Variants in GNS observed in about 807,000 individuals in gnomAD.
GNS encodes the protein N-acetylglucosamine-6-sulfatase.
GNS carries 40 observed loss-of-function variants against 69.7 expected under a neutral mutation model. The observed-to-expected ratio is 0.57, with a 90% confidence interval of 0.45 to 0.75. The LOEUF is 0.75. Ranked by LOEUF, GNS falls within the 30% of genes least tolerant of loss-of-function variation. GNS has a pLI of 0.00. For missense variants in GNS, 565 were observed against 685.5 expected (o/e 0.82, Z 1.96); for synonymous variants, 243 against 251.6 (o/e 0.97, Z 0.32).
chr12:64,748,065 T>C (rs970738612), intron 2 of GNS, 147 bp from the exon 3 acceptor site: 3 of 667,516 alleles, frequency 4.5e-6, no homozygotes, highest in African/African-American at 1.8e-5. Context: ...TTTCTACACA[T>C]GACATGCTTC....
chr12:64,756,888 C>G (rs1441123864), intron 1 of GNS: 1 of 591,386 alleles, frequency 1.7e-6, no homozygotes, highest in Admixed American at 2.9e-5. Context: ...GAGACAGTGG[C>G]TCATGCCTGT....
intron 13 of GNS, among the ~76,000 whole-genome samples, chr12:64,717,756 TGC>T (rs1472937780): frequency 2.0e-5 from 3 of 152,144 alleles, no homozygotes; most frequent in Non-Finnish European, 4.4e-5. Flanking sequence ...AGGGCCACAG[TGC>T]ATGACAAAAG....
chr12:64,745,204 CTTTTTT>C (rs141453545), intron 4 of GNS, among the ~76,000 whole-genome samples: 4 of 42,352 alleles, frequency 9.4e-5, no homozygotes, highest in African/African-American at 2.0e-4. Flanking sequence ...AGTCAATAGA[CTTTTTT>C]TTTTTTTTTT....
intron 6 of GNS, among the ~76,000 whole-genome samples, chr12:64,742,374 A>C (rs932254922): frequency 1.3e-5 from 2 of 152,222 alleles, no homozygotes; most frequent in African/African-American, 4.8e-5. Flanking sequence ...TTTAACAAGC[A>C]CATGCCTATA....
chr12:64,746,043 C>A, intron 3 of GNS: 1 of 410,886 alleles, frequency 2.4e-6, no homozygotes. Context: ...ACATAAAATT[C>A]AAATTTTAAC....
At chr12:64,739,607 T>C in intron 7 of GNS, 108 bp from the exon 8 acceptor site, 8 of 662,624 alleles carry the variant, frequency 1.2e-5, no homozygotes, top group South Asian at 9.7e-5. Flanking sequence ...ACACCCCCGT[T>C]TAAAAAAAAA....
rs1460701118 is a variant in GNS, at chr12:64,759,316, C to T, written c.-40G>A. On this transcript the variant is annotated 5_prime_UTR_variant, in exon 1 of 14. Coordinates refer to ENST00000258145, the MANE Select transcript of GNS (RefSeq NM_002076.4). ...GGGGTGACCCCGGGACGGGACGGGA[C>T]GGAGGGACGCACAGGTAGCTGAAGG... is the stretch of plus-strand genomic sequence containing the variant. 7.4e-7 allele frequency: 1 copy of T among 1,358,036 alleles called. No individual in the cohort carries two copies. Among genetic ancestry groups the T allele is most frequent in the Non-Finnish European group, 9.8e-7 (1 of 1,019,834 alleles). The allele number at this position is 1,358,036 out of a possible 1,614,324, so 84.1% of individuals were successfully genotyped here.
chr12:64,758,993 G>C, intron 1 of GNS, 92 bp downstream of exon 1: 10 of 1,075,848 alleles, frequency 9.3e-6, no homozygotes, highest in Non-Finnish European at 1.4e-5. Context: ...CAGCCAGTTC[G>C]GGGAGGAGGG....
rs574495720 is a variant in GNS at position 64,729,218 on chromosome 12, TATA to T, written c.1099-164_1099-162del. 100 of 643,158 alleles carry T rather than the reference TATA, an allele frequency of 1.6e-4. No individual in the cohort carries two copies. The East Asian group carries it at 2.7e-3, about 17-fold the overall frequency. 39.8% of individuals were successfully genotyped at this position (643,158 alleles called of 1,614,324 possible). A position where few individuals can be genotyped will look rare whatever the true frequency, so the allele number is the denominator to read the frequency against. On this transcript the variant is annotated intron_variant, in intron 9 of 13. Transcript: ENST00000258145. Reference sequence around the variant, plus strand: ...TCTGTTTCATAGATCCAAATATAACTATAATAACTTCAAACAAAATATAAAGGC... The same window carrying T: ...TCTGTTTCATAGATCCAAATATAACTATAACTTCAAACAAAATATAAAGGC...
At chr12:64,727,868 T>C (rs955371565) in intron 10 of GNS, among the ~76,000 whole-genome samples, 2 of 152,200 alleles carry the variant, frequency 1.3e-5, no homozygotes, top group Non-Finnish European at 2.9e-5. Context: ...ATTATGATGA[T>C]GGTTGTACCA....
At chr12:64,743,397 G>T in intron 5 of GNS, 89 bp from the exon 6 acceptor site, 1 of 907,318 alleles carries the variant, frequency 1.1e-6, no homozygotes, top group Non-Finnish European at 1.8e-6. Flanking sequence ...AGACAGTACA[G>T]GGTCTTACTA....
chr12:64,746,635 T>C (rs895285579), intron 3 of GNS, among the ~76,000 whole-genome samples: 9 of 152,246 alleles, frequency 5.9e-5, no homozygotes, highest in African/African-American at 2.2e-4. Context: ...CACTTTATCC[T>C]TACAAGGTTT....
At position 64,743,356 on chromosome 12, in the gene GNS, G is replaced by A. The variant is rs7136091; in HGVS notation, c.625-48C>T. 7.4e-3 allele frequency: 9,687 copies of A among 1,304,542 alleles called. 440 individuals carry two copies. The African/African-American group carries it at 0.11, about 15-fold the overall frequency. The allele number at this position is 1,304,542 out of a possible 1,614,324, so 80.8% of individuals were successfully genotyped here. A position where few individuals can be genotyped will look rare whatever the true frequency, so the allele number is the denominator to read the frequency against. On this transcript the variant is annotated intron_variant, in intron 5 of 13. Transcript: ENST00000258145. ...ATCTCCTACCTTACCCAACAGATGA[G>A]TATTTAATAGATAAATGTCTTCTGG...
Position 64,731,413 on chromosome 12 carries a change from A to T in GNS, c.1099-2356T>A, listed in dbSNP as rs571911394. 5.8e-4 allele frequency among the ~76,000 whole-genome samples: 89 copies of T among 152,290 alleles called. 1 individual carries two copies. The highest frequency in any genetic ancestry group is 2.0e-3 in the African/African-American group (83 of 41,562). ...TAATGGCATTTTGCTCTCTGGAGAT[A>T]AAGGGGTAAGTTCCAGTATAAATCC... On this transcript the variant is annotated intron_variant, in intron 9 of 13. Transcript: ENST00000258145.
intron 10 of GNS, among the ~76,000 whole-genome samples, chr12:64,725,821 C>G (rs913627663): frequency 1.3e-5 from 2 of 151,364 alleles, no homozygotes; most frequent in African/African-American, 4.9e-5. Context: ...ACGGTGAAAC[C>G]CTGACTCTAC....
intron 5 of GNS, 122 bp from the exon 6 acceptor site, chr12:64,743,430 T>C (rs1387041300): frequency 2.7e-6 from 2 of 731,098 alleles, no homozygotes; most frequent in Admixed American, 2.1e-5. Flanking sequence ...TCTTAGCACA[T>C]GATCTTATGT....
chr12:64,720,382 G>T (rs1411835066), intron 12 of GNS, among the ~76,000 whole-genome samples, 200 bp from the exon 13 acceptor site: 1 of 152,120 alleles, frequency 6.6e-6, no homozygotes, highest in Non-Finnish European at 1.5e-5. Flanking sequence ...CATCTGTTCT[G>T]GGGGTTCAGT....
chr12:64,724,417 G>A (rs1338159788), intron 10 of GNS, among the ~76,000 whole-genome samples: 3 of 152,206 alleles, frequency 2.0e-5, no homozygotes, highest in African/African-American at 7.2e-5. Flanking sequence ...AATGGGTAAC[G>A]GCTTGTGCAA....
At chr12:64,739,756 C>T (rs1869673544) in intron 7 of GNS, among the ~76,000 whole-genome samples, 2 of 152,020 alleles carry the variant, frequency 1.3e-5, no homozygotes, top group Non-Finnish European at 2.9e-5. Flanking sequence ...TAATTCATTC[C>T]AAAGTTAATT....
Sources: allele counts gnomAD v4.1 joint callset (sites outside exome capture counted in the v4.1 genomes callset), GRCh38; gene constraint gnomAD v4.1.1; transcripts MANE v1.5; gene names NCBI Gene and HGNC (gene_info 2026-07-23, HGNC 2026-07-21).